Variants in ABCG8 observed in about 807,000 individuals in gnomAD.
The protein encoded by ABCG8 is ATP-binding cassette sub-family G member 8.
ABCG8 carries 81 observed loss-of-function variants against 71.3 expected under a neutral mutation model. The observed-to-expected ratio is 1.14, with a 90% CI of 0.95 to 1.37. ABCG8 has a LOEUF of 1.37. Ranked by LOEUF, ABCG8 falls within the 40% of genes most tolerant of loss-of-function variation. The pLI is 0.00. For missense variants in ABCG8, 1,119 were observed against 866.2 expected (o/e 1.29, Z -3.66); for synonymous variants, 451 against 354.7 (o/e 1.27, Z -3.05).
At chr2:43,855,702 A>T (rs1051517011) in intron 6 of ABCG8, among the ~76,000 whole-genome samples, 1 of 152,090 alleles carries the variant, frequency 6.6e-6, no homozygotes, top group African/African-American at 2.4e-5. Flanking sequence ...CACCATCGGG[A>T]TAGAACTCTC....
At chr2:43,860,020 G>C (rs1669250821) in intron 6 of ABCG8, among the ~76,000 whole-genome samples, 1 of 150,996 alleles carries the variant, frequency 6.6e-6, no homozygotes, top group Non-Finnish European at 1.5e-5. Context: ...TGAGTATCTG[G>C]ATAGAATTAT....
In ABCG8 at chr2:43,872,215, C is replaced by G; in HGVS notation, c.1128-8C>G. 2 of 1,613,994 alleles carry G rather than the reference C, an allele frequency of 1.2e-6. No individual in the cohort carries two copies. Among genetic ancestry groups the G allele is most frequent in the Non-Finnish European group, 1.7e-6 (2 of 1,180,028 alleles). On this transcript the variant is annotated splice_polypyrimidine_tract_variant and splice_region_variant and intron_variant, in intron 7 of 12. Coordinates refer to ENST00000272286, the MANE Select transcript of ABCG8 (RefSeq NM_022437.3). ...CCCCATGACCTGGCCACATCTTCTGCCTCCCAGCAGCGTGACCCCACTAGA... is the reference window on the plus strand; with the variant it reads ...CCCCATGACCTGGCCACATCTTCTGGCTCCCAGCAGCGTGACCCCACTAGA...
At chr2:43,868,151 C>G (rs1669600689) in intron 6 of ABCG8, among the ~76,000 whole-genome samples, 1 of 146,284 alleles carries the variant, frequency 6.8e-6, no homozygotes, top group Non-Finnish European at 1.5e-5. Context: ...CTCTCAGTAT[C>G]AATGTGGATA....
At chr2:43,867,659 C>G (rs1056051788) in intron 6 of ABCG8, among the ~76,000 whole-genome samples, 3 of 150,598 alleles carry the variant, frequency 2.0e-5, no homozygotes, top group Admixed American at 1.3e-4. Flanking sequence ...TTCTCAGTCT[C>G]TGTATAGAAC....
intron 2 of ABCG8, 151 bp from the exon 3 acceptor site, chr2:43,846,004 G>C (rs1668731220): frequency 1.3e-5 from 10 of 765,382 alleles, no homozygotes; most frequent in Non-Finnish European, 2.0e-5. Flanking sequence ...TTCCGTGTTT[G>C]GTAGAACCTG....
At chr2:43,857,493 C>A (rs1669154365) in intron 6 of ABCG8, among the ~76,000 whole-genome samples, 1 of 151,584 alleles carries the variant, frequency 6.6e-6, no homozygotes, top group South Asian at 2.1e-4. Context: ...GGATAGAATT[C>A]TCACTCTGGA....
chr2:43,871,929 G>C, intron 6 of ABCG8, 47 bp from the exon 7 acceptor site: 2 of 1,613,116 alleles, frequency 1.2e-6, no homozygotes, highest in Non-Finnish European at 1.7e-6. Flanking sequence ...CCTGTGAGCA[G>C]GTGCCAGGGA....
chr2:43,872,285 A>AG lies in ABCG8; in HGVS notation c.1191dup (p.Gln398AlafsTer84). 1 of 1,613,950 alleles carries AG rather than the reference A, an allele frequency of 6.2e-7. No individual in the cohort carries two copies. The highest frequency in any genetic ancestry group is 8.5e-7 in the Non-Finnish European group (1 of 1,180,022). On this transcript the variant is annotated frameshift_variant, in exon 8 of 13. Transcript: ENST00000272286. LOFTEE classifies it high-confidence loss of function. ...CCTACGAAGATGCCTGGGGCGGTGCAGCAGTTTACGACGCTGATCCGGTAA... is the reference window on the plus strand; with the variant it reads ...CCTACGAAGATGCCTGGGGCGGTGCAGGCAGTTTACGACGCTGATCCGGTAA...
chr2:43,844,406 C>T (rs113179832), intron 1 of ABCG8, 101 bp from the exon 2 acceptor site: 7 of 892,074 alleles, frequency 7.8e-6, no homozygotes, highest in Admixed American at 2.0e-5. Flanking sequence ...TTAACCACGT[C>T]GGCTCTAAGA....
chr2:43,875,237 C>CCTTCCTGCTGCA lies in ABCG8; in HGVS notation c.1591_1602dup (p.His531_Leu534dup), dbSNP rs1314473389. 4 of 1,614,246 alleles carry CCTTCCTGCTGCA rather than the reference C, an allele frequency of 2.5e-6. No homozygotes were observed. Among genetic ancestry groups the CCTTCCTGCTGCA allele is most frequent in the Non-Finnish European group, 3.4e-6 (4 of 1,180,058 alleles). On this transcript the variant is annotated inframe_insertion, in exon 11 of 13. Transcript: ENST00000272286. ...GCCAACCTGAGGCCAGGCCTCCAGC[C>CCTTCCTGCTGCA]CTTCCTGCTGCACTTCCTGCTGGTG...
At chr2:43,861,760 C>G (rs1311267407) in intron 6 of ABCG8, among the ~76,000 whole-genome samples, 1 of 150,782 alleles carries the variant, frequency 6.6e-6, no homozygotes, top group Non-Finnish European at 1.5e-5. Flanking sequence ...GGACATAATT[C>G]TCACTATCCG....
Position 43,839,403 on chromosome 2 carries a change from C to CTTTTTT in ABCG8, c.63+323_63+328dup, listed in dbSNP as rs537784677. The stretch of plus-strand genomic sequence containing the variant: ...CACTTTTTCTTTTTTCTTTTCTTCT[C>CTTTTTT]TTTTTTTTTTTTTTTTTTTTTTTTT... On this transcript the variant is annotated intron_variant, in intron 1 of 12. Coordinates refer to ENST00000272286, the MANE Select transcript of ABCG8 (RefSeq NM_022437.3). Among the ~76,000 whole-genome samples, 207 of 59,306 alleles carry CTTTTTT rather than the reference C, an allele frequency of 3.5e-3. 39 individuals carry two copies. The highest frequency in any genetic ancestry group is 5.7e-3 in the Non-Finnish European group (177 of 31,218). 38.9% of individuals were successfully genotyped at this position (59,306 alleles called of 152,430 possible).
chr2:43,854,226 T>G (rs56728462), intron 6 of ABCG8, among the ~76,000 whole-genome samples: 8,299 of 152,274 alleles, frequency 0.055, 277 homozygotes, highest in Middle Eastern at 0.11. Context: ...GGGGCCTGGG[T>G]TACCCAAAAA....
intron 3 of ABCG8, among the ~76,000 whole-genome samples, chr2:43,850,753 A>C (rs968537923): frequency 1.3e-5 from 2 of 152,142 alleles, no homozygotes; most frequent in African/African-American, 4.8e-5. Flanking sequence ...TCTCTACTAA[A>C]AATACAAAAA....
rs777346950 is a variant in ABCG8, at chr2:43,875,173, G to T, written c.1516G>T (p.Ala506Ser). 3.1e-6 allele frequency: 5 copies of T among 1,614,248 alleles called. No individual in the cohort carries two copies. The Admixed American group carries it at 8.3e-5, about 27-fold the overall frequency. ...KILGELPEHCAYIIIYGMPTY... is the reference protein window; with the variant it reads ...KILGELPEHCSYIIIYGMPTY... ...CCTCGGGGAGCTTCCGGAGCACTGT[G>T]CCTACATCATCATCTACGGGATGCC... Residue 506 changes from alanine to serine, a missense_variant, in exon 11 of 13, where the codon GCC (alanine) becomes TCC (serine). Transcript: ENST00000272286.
chr2:43,878,100 A>T lies in ABCG8; in HGVS notation c.*187A>T, dbSNP rs2104952979. On this transcript the variant is annotated 3_prime_UTR_variant, in exon 13 of 13. Transcript: ENST00000272286. ...TGGCAGTAGAATAAAGACAGTCGAA[A>T]GGGATTTCTGCTCACTGGCAGGAGA... 1.2e-6 allele frequency: 1 copy of T among 819,316 alleles called. No individual in the cohort carries two copies. The highest frequency in any genetic ancestry group is 2.7e-5 in the East Asian group (1 of 36,756). The allele number at this position is 819,316 out of a possible 1,614,324, so 50.8% of individuals were successfully genotyped here. A position where few individuals can be genotyped will look rare whatever the true frequency, so the allele number is the denominator to read the frequency against.
intron 6 of ABCG8, among the ~76,000 whole-genome samples, chr2:43,860,059 A>C (rs997805169): frequency 6.7e-6 from 1 of 148,722 alleles, no homozygotes; most frequent in Non-Finnish European, 1.5e-5. Flanking sequence ...CTCACTATCT[A>C]TCTGGATAGA....
intron 6 of ABCG8, among the ~76,000 whole-genome samples, chr2:43,867,886 A>G (rs1428825402): frequency 6.6e-6 from 1 of 151,862 alleles, no homozygotes; most frequent in African/African-American, 2.4e-5. Context: ...TAGAACTCTC[A>G]CTATCTCTCT....
At position 43,878,009 on chromosome 2, in the gene ABCG8, A is replaced by C; in HGVS notation, c.*96A>C. 6.4e-7 allele frequency: 1 copy of C among 1,563,726 alleles called. No individual in the cohort carries two copies. The highest frequency in any genetic ancestry group is 8.7e-7 in the Non-Finnish European group (1 of 1,143,322). ...CCCCTTCCTGGGGACAGTGAGGACA[A>C]TGACCCTACAGATGCTCAGCTACAT... On this transcript the variant is annotated 3_prime_UTR_variant, in exon 13 of 13. Coordinates refer to ENST00000272286, the MANE Select transcript of ABCG8 (RefSeq NM_022437.3).
Sources: allele counts gnomAD v4.1 joint callset (sites outside exome capture counted in the v4.1 genomes callset), GRCh38; gene constraint gnomAD v4.1.1; transcripts MANE v1.5; gene names NCBI Gene and HGNC (gene_info 2026-07-23, HGNC 2026-07-21).